The following MBNL1 variants were observed in gnomAD, a reference collection of about 807,000 sequenced individuals.
The protein encoded by MBNL1 is muscleblind-like protein 1.
A neutral mutation model predicts 42.2 loss-of-function variants in MBNL1; 8 were observed. That is an observed-to-expected ratio of 0.19 (90% CI 0.11 to 0.34). The LOEUF is 0.34. Ranked by LOEUF, MBNL1 falls within the 10% of genes least tolerant of loss-of-function variation. The pLI is 1.00. For missense variants in MBNL1, 309 were observed against 495.3 expected (o/e 0.62, Z 3.57); for synonymous variants, 169 against 173.9 (o/e 0.97, Z 0.22).
chr3:152,383,476 A>G (rs1435849936), intron 2 of MBNL1, among the ~76,000 whole-genome samples: 3 of 152,020 alleles, frequency 2.0e-5, no homozygotes, highest in Non-Finnish European at 4.4e-5. Flanking sequence ...AAGATATGAA[A>G]ACCTTGGTTA....
intron 1 of MBNL1, among the ~76,000 whole-genome samples, chr3:152,281,482 C>T (rs1386499940): frequency 6.6e-6 from 1 of 151,940 alleles, no homozygotes; most frequent in Non-Finnish European, 1.5e-5. Flanking sequence ...TTTGAAGTTT[C>T]ACTAGCTTTG....
chr3:152,449,711 A>G (rs898260582), intron 6 of MBNL1, among the ~76,000 whole-genome samples: 1 of 152,230 alleles, frequency 6.6e-6, no homozygotes, highest in African/African-American at 2.4e-5. Flanking sequence ...GCTAATTTAA[A>G]TAAAATCTGC....
chr3:152,406,468 A>AT (rs1388631331), intron 2 of MBNL1, among the ~76,000 whole-genome samples: 1 of 152,042 alleles, frequency 6.6e-6, no homozygotes, highest in Non-Finnish European at 1.5e-5. Flanking sequence ...AAAAAGTGGT[A>AT]TTTTTTGTCA....
Position 152,253,629 on chromosome 3 carries a change from A to T in MBNL1, n.333+9189A>T, listed in dbSNP as rs572386258. Among the ~76,000 whole-genome samples the T allele has an allele frequency of 6.6e-5, 10 of 151,944 alleles. No homozygotes were observed. In the South Asian group the frequency reaches 1.9e-3, roughly 28 times the overall value. ...TTTGTGTCTTCTCTCATATCCTTTC[A>T]TCTCTTCATTCATGATATTCTGGCT... On this transcript the variant is annotated intron_variant and non_coding_transcript_variant, in intron 2 of 2. Transcript: ENST00000477171.
chr3:152,271,041 T>C (rs2041347080), intron 1 of MBNL1, among the ~76,000 whole-genome samples: 1 of 152,164 alleles, frequency 6.6e-6, no homozygotes, highest in Non-Finnish European at 1.5e-5. Context: ...CCTAGTTTAA[T>C]TTTTTTCCTT....
chr3:152,398,767 A>G (rs2098093437), intron 2 of MBNL1, among the ~76,000 whole-genome samples: 1 of 152,192 alleles, frequency 6.6e-6, no homozygotes. Context: ...TACAAAAGGA[A>G]GTAGACAATC....
intron 1 of MBNL1, among the ~76,000 whole-genome samples, chr3:152,294,750 A>C (rs796463624): frequency 6.6e-5 from 10 of 152,328 alleles, no homozygotes; most frequent in African/African-American, 2.2e-4. Context: ...TGTTTGCAAG[A>C]ATTCTCATAA....
At chr3:152,291,624 C>G (rs1008351910) in intron 1 of MBNL1, among the ~76,000 whole-genome samples, 3 of 152,166 alleles carry the variant, frequency 2.0e-5, no homozygotes, top group African/African-American at 7.2e-5. Context: ...TTTTGGTGAT[C>G]TGTTTCTATT....
At chr3:152,303,857 A>C (rs1445868365) in intron 2 of MBNL1, among the ~76,000 whole-genome samples, 1 of 152,202 alleles carries the variant, frequency 6.6e-6, no homozygotes, top group Non-Finnish European at 1.5e-5. Context: ...TATATTTACT[A>C]TCTATTTTCC....
chr3:152,309,427 A>T (rs1475897463), intron 2 of MBNL1, among the ~76,000 whole-genome samples: 1 of 152,182 alleles, frequency 6.6e-6, no homozygotes, highest in African/African-American at 2.4e-5. Flanking sequence ...TTTTCTCCAG[A>T]CCTCATATGA....
intron 2 of MBNL1, among the ~76,000 whole-genome samples, chr3:152,403,144 A>C (rs1457670817): frequency 6.6e-6 from 1 of 152,186 alleles, no homozygotes; most frequent in Admixed American, 6.5e-5. Flanking sequence ...AGCAAGAAAA[A>C]AAAAAAAATC....
chr3:152,393,943 CT>C (rs2097825068), intron 2 of MBNL1, among the ~76,000 whole-genome samples: 1 of 152,038 alleles, frequency 6.6e-6, no homozygotes, highest in African/African-American at 2.4e-5. Flanking sequence ...GAGAACTATA[CT>C]GAAAAAATAG....
intron 1 of MBNL1, among the ~76,000 whole-genome samples, chr3:152,277,058 CA>C (rs933581167): frequency 3.3e-5 from 5 of 152,088 alleles, no homozygotes; most frequent in Admixed American, 1.3e-4. Context: ...AACTTTTAAT[CA>C]ATCAAAAATT....
At chr3:152,318,300 GTATT>G (rs1212747031) in intron 2 of MBNL1, among the ~76,000 whole-genome samples, 1 of 152,182 alleles carries the variant, frequency 6.6e-6, no homozygotes, top group Non-Finnish European at 1.5e-5. Flanking sequence ...TCATTAAAAT[GTATT>G]TATCTTACGA....
chr3:152,271,493 CAG>C (rs1427609840), intron 1 of MBNL1, among the ~76,000 whole-genome samples: 7 of 152,216 alleles, frequency 4.6e-5, no homozygotes, highest in South Asian at 4.1e-4. Context: ...TATATGGAAA[CAG>C]AGAATAAATA....
chr3:152,459,713 TCTC>T (rs1424542388), intron 9 of MBNL1, among the ~76,000 whole-genome samples: 1 of 152,066 alleles, frequency 6.6e-6, no homozygotes, highest in Non-Finnish European at 1.5e-5. Flanking sequence ...TTGCAGCTAC[TCTC>T]CTCTGCCATT....
chr3:152,359,674 G>A (rs984714568), intron 2 of MBNL1, among the ~76,000 whole-genome samples: 7 of 152,180 alleles, frequency 4.6e-5, no homozygotes, highest in Admixed American at 3.3e-4. Context: ...TGAGAGAGGA[G>A]TATAATAAAA....
intron 2 of MBNL1, among the ~76,000 whole-genome samples, chr3:152,414,078 C>T (rs748973690): frequency 7.2e-5 from 11 of 152,088 alleles, no homozygotes; most frequent in Admixed American, 2.0e-4. Context: ...GATTTATCTC[C>T]ATTATTTCAG....
chr3:152,365,281 C>A lies in MBNL1; in HGVS notation c.175-49660C>A, dbSNP rs181093144. ...CAATTTTCTGATTTTTTTTTTATAA[C>A]CCCTCTTATCACTTGATTATGTGAA... On this transcript the variant is annotated intron_variant, in intron 2 of 9. Coordinates refer to ENST00000324210, the MANE Select transcript of MBNL1 (RefSeq NM_021038.5). Among the ~76,000 whole-genome samples the A allele has an allele frequency of 2.3e-3, 348 of 151,908 alleles. 1 individual carries two copies. Among genetic ancestry groups the A allele is most frequent in the African/African-American group, 7.9e-3 (328 of 41,450 alleles).
Sources: allele counts gnomAD v4.1 joint callset (sites outside exome capture counted in the v4.1 genomes callset), GRCh38; gene constraint gnomAD v4.1.1; transcripts MANE v1.5; gene names NCBI Gene and HGNC (gene_info 2026-07-23, HGNC 2026-07-21).